ODAD2: variants seen among roughly 807,000 people sequenced by gnomAD.
The protein encoded by ODAD2 is outer dynein arm docking complex subunit 2.
A neutral mutation model predicts 106.8 loss-of-function variants in ODAD2; 89 were observed. The ratio of observed to expected loss-of-function variants is 0.83; its 90% CI spans 0.70 to 0.99. The LOEUF is 0.99. Ranked by LOEUF, ODAD2 falls within the 50% of genes least tolerant of loss-of-function variation. The pLI, the probability that ODAD2 is intolerant of heterozygous loss-of-function variation, is 0.00. For synonymous variants in ODAD2, 404 were observed against 436.2 expected (o/e 0.93, Z 0.92); for missense variants, 1,168 against 1,238.5 (o/e 0.94, Z 0.85).
intron 19 of ODAD2, among the ~76,000 whole-genome samples, chr10:27,846,346 G>T (rs1381529390): frequency 1.3e-5 from 2 of 152,116 alleles, no homozygotes; most frequent in Non-Finnish European, 2.9e-5. Flanking sequence ...TGAAATGAAG[G>T]CAGAAATAAA....
chr10:27,972,627 T>A, intron 7 of ODAD2, among the ~76,000 whole-genome samples: 1 of 152,126 alleles, frequency 6.6e-6, no homozygotes. Context: ...GGAATGGCCA[T>A]ATTAAAATCA....
At chr10:27,879,978 A>T (rs1314310119) in intron 17 of ODAD2, among the ~76,000 whole-genome samples, 1 of 152,202 alleles carries the variant, frequency 6.6e-6, no homozygotes, top group East Asian at 1.9e-4. Context: ...TTAATGCAGA[A>T]TTCCAGATGT....
At chr10:27,910,176 C>T (rs1436350529) in intron 16 of ODAD2, among the ~76,000 whole-genome samples, 1 of 151,804 alleles carries the variant, frequency 6.6e-6, no homozygotes, top group African/African-American at 2.4e-5. Flanking sequence ...AATTAATTTT[C>T]CTAAAGACAC....
intron 17 of ODAD2, among the ~76,000 whole-genome samples, chr10:27,904,605 C>T (rs1843452025): frequency 6.6e-6 from 1 of 152,168 alleles, no homozygotes; most frequent in Non-Finnish European, 1.5e-5. Flanking sequence ...TATCCTATTC[C>T]ATTGGTCTGT....
rs145616204 is a variant in ODAD2 at position 27,971,490 on chromosome 10, G to A, written c.937-177C>T. ...CTAAGGCTTCTGTTGGAGTTAGGTG[G>A]ACAGTAACGTGATGTTCCTAAACTC... On this transcript the variant is annotated intron_variant, in intron 7 of 19. Transcript: ENST00000305242. 2.0e-3 allele frequency among the ~76,000 whole-genome samples: 309 copies of A among 152,212 alleles called. 2 individuals are homozygous for A. The highest frequency in any genetic ancestry group is 7.1e-3 in the African/African-American group (296 of 41,532).
At chr10:27,944,481 T>A in intron 11 of ODAD2, 50 bp from the exon 12 acceptor site, 2 of 1,521,498 alleles carry the variant, frequency 1.3e-6, no homozygotes. Flanking sequence ...CCGTGCTATG[T>A]TTTTAAAAAT....
chr10:27,997,191 C>A (rs1448223201), intron 1 of ODAD2, among the ~76,000 whole-genome samples: 5 of 152,082 alleles, frequency 3.3e-5, no homozygotes, highest in African/African-American at 4.8e-5. Context: ...CATTTTGTTT[C>A]TATTGCTAAC....
At chr10:27,876,706 A>G (rs185938672) in intron 17 of ODAD2, among the ~76,000 whole-genome samples, 25 of 152,336 alleles carry the variant, frequency 1.6e-4, no homozygotes, top group African/African-American at 6.0e-4. Context: ...ATCACAGGTC[A>G]CACCAAGGAA....
chr10:27,817,476 A>G (rs1168941825), intron 19 of ODAD2, among the ~76,000 whole-genome samples: 1 of 152,082 alleles, frequency 6.6e-6, no homozygotes, highest in Non-Finnish European at 1.5e-5. Context: ...CCAATAGGTA[A>G]TTTTTTAACC....
intron 19 of ODAD2, among the ~76,000 whole-genome samples, chr10:27,855,590 C>T (rs1006459863): frequency 2.6e-5 from 4 of 152,092 alleles, no homozygotes; most frequent in Admixed American, 6.5e-5. Flanking sequence ...TTCTAGGTGA[C>T]CTTAGTATCT....
At chr10:27,824,234 CA>C (rs1193414292) in intron 19 of ODAD2, among the ~76,000 whole-genome samples, 1 of 149,648 alleles carries the variant, frequency 6.7e-6, no homozygotes, top group Non-Finnish European at 1.5e-5. Flanking sequence ...AGGAGAACAT[CA>C]AATCCTGCTA....
intron 6 of ODAD2, among the ~76,000 whole-genome samples, chr10:27,982,200 A>C (rs1203651917): frequency 6.6e-6 from 1 of 152,150 alleles, no homozygotes; most frequent in East Asian, 1.9e-4. Flanking sequence ...TCACATAACT[A>C]TATGTATATA....
chr10:27,836,584 C>T (rs1354346205), intron 19 of ODAD2, among the ~76,000 whole-genome samples: 1 of 152,106 alleles, frequency 6.6e-6, no homozygotes, highest in African/African-American at 2.4e-5. Context: ...ACATTAGAAA[C>T]CTCTGATGTT....
chr10:27,949,386 G>A (rs562862033), intron 10 of ODAD2, among the ~76,000 whole-genome samples: 2 of 152,198 alleles, frequency 1.3e-5, no homozygotes, highest in African/African-American at 2.4e-5. Context: ...ATGGAGCTGT[G>A]GAAGCACATC....
At chr10:27,954,385 A>T (rs981189944) in intron 10 of ODAD2, among the ~76,000 whole-genome samples, 8 of 152,234 alleles carry the variant, frequency 5.3e-5, no homozygotes, top group African/African-American at 1.7e-4. Context: ...GCTGCCTTAG[A>T]TATCACAGTT....
rs779516952 is a variant in ODAD2, at chr10:27,923,998, GAAAGAAAGAA to G, written c.2495+11002_2495+11011del. Among the ~76,000 whole-genome samples the G allele has an allele frequency of 7.7e-3, 1,054 of 136,956 alleles. 29 individuals are homozygous for G. Among genetic ancestry groups the G allele is most frequent in the Middle Eastern group, 0.014 (4 of 284 alleles). The allele number at this position is 136,956 out of a possible 152,430, so 89.8% of individuals were successfully genotyped here. ...AGAAAGAAAGAAAGAAAGAAAGAAAGAAAGAAAGAAAGAAAGAAAGAAAGAAGGAAAGAGA... is the reference window on the plus strand; with the variant it reads ...AGAAAGAAAGAAAGAAAGAAAGAAAGAGAAAGAAAGAAAGAAGGAAAGAGA... On this transcript the variant is annotated intron_variant, in intron 16 of 19. Coordinates refer to ENST00000305242, the MANE Select transcript of ODAD2 (RefSeq NM_018076.5).
intron 16 of ODAD2, among the ~76,000 whole-genome samples, chr10:27,930,686 T>C (rs1314383549): frequency 6.6e-6 from 1 of 151,968 alleles, no homozygotes; most frequent in Admixed American, 6.6e-5. Context: ...TTTTTGATTC[T>C]CTTATTAAGA....
chr10:27,970,809 C>CA (rs1848796724), intron 8 of ODAD2, among the ~76,000 whole-genome samples: 1 of 151,682 alleles, frequency 6.6e-6, no homozygotes, highest in Non-Finnish European at 1.5e-5. Flanking sequence ...ACTAAAATTA[C>CA]AAAAAATAAA....
rs533051267 is a variant in ODAD2, at chr10:27,911,650, T to C, written c.2496-3873A>G. Among the ~76,000 whole-genome samples the C allele has an allele frequency of 9.2e-5, 14 of 152,326 alleles. No homozygotes were observed. The South Asian group carries it at 2.9e-3, about 32-fold the overall frequency. The stretch of plus-strand genomic sequence containing the variant: ...GCTGTTTCCCAGCCATCTCCGTATT[T>C]TACATAGTAATCCATCACTTAAGGT... On this transcript the variant is annotated intron_variant, in intron 16 of 19. Coordinates refer to ENST00000305242, the MANE Select transcript of ODAD2 (RefSeq NM_018076.5).
Sources: allele counts gnomAD v4.1 joint callset (sites outside exome capture counted in the v4.1 genomes callset), GRCh38; gene constraint gnomAD v4.1.1; transcripts MANE v1.5; gene names NCBI Gene and HGNC (gene_info 2026-07-23, HGNC 2026-07-21).